CERS6: variants seen among roughly 807,000 people sequenced by gnomAD.
The protein encoded by CERS6 is ceramide synthase 6.
A neutral mutation model predicts 56.8 loss-of-function variants in CERS6; 26 were observed. The ratio of observed to expected loss-of-function variants is 0.46; its 90% CI spans 0.34 to 0.63. The LOEUF is 0.63. Ranked by LOEUF, CERS6 falls within the 30% of genes least tolerant of loss-of-function variation. The pLI, the probability that CERS6 is intolerant of heterozygous loss-of-function variation, is 0.01. For synonymous variants in CERS6, 164 were observed against 173.3 expected, an observed-to-expected ratio of 0.95 and a Z score of 0.42; for missense variants, 415 against 467.5, an observed-to-expected ratio of 0.89 and a Z score of 1.04.
chr2:168,534,909 G>C (rs1355645020), intron 1 of CERS6, among the ~76,000 whole-genome samples: 1 of 152,214 alleles, frequency 6.6e-6, no homozygotes, highest in Non-Finnish European at 1.5e-5. Flanking sequence ...TCCGTATTCT[G>C]TCCCTGAGCC....
Position 168,578,232 on chromosome 2 carries a change from T to A in CERS6, c.407+16910T>A, listed in dbSNP as rs1035597751. On this transcript the variant is annotated intron_variant, in intron 3 of 9. Transcript: ENST00000305747. ...ACAGGAAGAGAGAGGGCAAGTCTCTTATGTCCCTCAGTCAGTCTGTAGCTT... is the reference window on the plus strand; with the variant it reads ...ACAGGAAGAGAGAGGGCAAGTCTCTAATGTCCCTCAGTCAGTCTGTAGCTT... 2.0e-5 allele frequency among the ~76,000 whole-genome samples: 3 copies of A among 152,002 alleles called. No homozygotes were observed. The South Asian group carries it at 6.2e-4, about 32-fold the overall frequency.
intron 4 of CERS6, among the ~76,000 whole-genome samples, chr2:168,684,910 T>A (rs1026798904): frequency 2.6e-5 from 4 of 151,696 alleles, no homozygotes; most frequent in Admixed American, 2.6e-4. Flanking sequence ...AGCATTTTTC[T>A]TATGTTTTTT....
intron 3 of CERS6, among the ~76,000 whole-genome samples, chr2:168,589,276 T>C (rs553482691): frequency 6.6e-6 from 1 of 152,320 alleles, no homozygotes. Flanking sequence ...TAGGTATGAG[T>C]TTCGGGCTTT....
intron 3 of CERS6, among the ~76,000 whole-genome samples, chr2:168,566,881 G>C (rs1306234186): frequency 6.6e-6 from 1 of 151,476 alleles, no homozygotes; most frequent in Non-Finnish European, 1.5e-5. Flanking sequence ...TTGCCAGAGA[G>C]AAAATTCAAT....
chr2:168,702,763 T>C (rs1334844375), intron 6 of CERS6, among the ~76,000 whole-genome samples: 2 of 152,176 alleles, frequency 1.3e-5, no homozygotes, highest in Non-Finnish European at 2.9e-5. Flanking sequence ...CAACCAACTT[T>C]TAAGAATATC....
chr2:168,493,940 C>G (rs1433549584), intron 1 of CERS6, among the ~76,000 whole-genome samples: 1 of 151,896 alleles, frequency 6.6e-6, no homozygotes, highest in Non-Finnish European at 1.5e-5. Flanking sequence ...TTTCTAACAG[C>G]CAGACTGGTG....
chr2:168,638,556 A>G (rs16855612), intron 4 of CERS6, among the ~76,000 whole-genome samples: 2,628 of 152,288 alleles, frequency 0.017, 102 homozygotes, highest in East Asian at 0.16. Flanking sequence ...TGGACTTTAT[A>G]TTTTGACATT....
intron 8 of CERS6, among the ~76,000 whole-genome samples, chr2:168,751,888 C>T (rs1305932954): frequency 1.3e-5 from 2 of 152,210 alleles, no homozygotes; most frequent in African/African-American, 4.8e-5. Flanking sequence ...CCGGCCTGTA[C>T]ATGCCTTTGC....
intron 4 of CERS6, among the ~76,000 whole-genome samples, chr2:168,661,363 T>G (rs1312572130): frequency 1.3e-5 from 2 of 152,206 alleles, no homozygotes; most frequent in Admixed American, 1.3e-4. Flanking sequence ...GCCTATTAAT[T>G]ATAAAGAATT....
At chr2:168,626,208 A>G (rs1684586991) in intron 3 of CERS6, among the ~76,000 whole-genome samples, 1 of 152,174 alleles carries the variant, frequency 6.6e-6, no homozygotes, top group African/African-American at 2.4e-5. Flanking sequence ...TCATTAAATG[A>G]CTTCCTATTT....
chr2:168,680,400 T>A (rs1300594601), intron 4 of CERS6, among the ~76,000 whole-genome samples: 3 of 152,174 alleles, frequency 2.0e-5, no homozygotes, highest in Non-Finnish European at 4.4e-5. Flanking sequence ...TAAGGAAAAA[T>A]GATGATGTTG....
chr2:168,762,449 T>C (rs4441438), intron 8 of CERS6, among the ~76,000 whole-genome samples: 1 of 152,174 alleles, frequency 6.6e-6, no homozygotes, highest in Non-Finnish European at 1.5e-5. Flanking sequence ...TTTATTAATA[T>C]GCTGATTTGA....
intron 3 of CERS6, among the ~76,000 whole-genome samples, chr2:168,604,715 C>T (rs1684012562): frequency 6.6e-6 from 1 of 152,092 alleles, no homozygotes; most frequent in Non-Finnish European, 1.5e-5. Context: ...CTCGCTCCTG[C>T]TTTGGCCACG....
At chr2:168,719,042 A>G (rs1687296238) in intron 8 of CERS6, among the ~76,000 whole-genome samples, 2 of 152,114 alleles carry the variant, frequency 1.3e-5, no homozygotes, top group South Asian at 2.1e-4. Flanking sequence ...TGCCTTTTCC[A>G]TATTGTTTAG....
intron 1 of CERS6, among the ~76,000 whole-genome samples, chr2:168,487,805 TAA>T (rs1356209652): frequency 6.6e-6 from 1 of 152,144 alleles, no homozygotes; most frequent in African/African-American, 2.4e-5. Context: ...CATCCTGCCT[TAA>T]ACTCCTGGGT....
At chr2:168,475,239 G>A (rs1004789309) in intron 1 of CERS6, among the ~76,000 whole-genome samples, 17 of 151,922 alleles carry the variant, frequency 1.1e-4, no homozygotes, top group African/African-American at 3.4e-4. Context: ...AAAGTGCCAC[G>A]AACACTCATA....
intron 4 of CERS6, among the ~76,000 whole-genome samples, chr2:168,655,177 C>T (rs576680270): frequency 4.6e-5 from 7 of 152,136 alleles, no homozygotes; most frequent in African/African-American, 7.2e-5. Flanking sequence ...TTAAAACCAC[C>T]GTGAGATACC....
intron 4 of CERS6, among the ~76,000 whole-genome samples, chr2:168,678,839 T>C (rs2105348136): frequency 6.6e-6 from 1 of 152,348 alleles, no homozygotes; most frequent in African/African-American, 2.4e-5. Context: ...TGGGTATGTA[T>C]TCAAAGGGAA....
At chr2:168,603,120 G>A (rs1683973734) in intron 3 of CERS6, among the ~76,000 whole-genome samples, 1 of 152,132 alleles carries the variant, frequency 6.6e-6, no homozygotes, top group Admixed American at 6.5e-5. Context: ...TGCTCCTTGG[G>A]TTTGCCCTTT....
Sources: gnomAD v4.1 joint callset for allele counts (sites outside exome capture counted in the v4.1 genomes callset) on GRCh38, gnomAD v4.1.1 for gene constraint, MANE v1.5 for transcripts, NCBI Gene and HGNC (gene_info 2026-07-23, HGNC 2026-07-21) for gene names.